Variants in CDS2 observed in about 807,000 individuals in gnomAD.
CDS2 encodes the protein phosphatidate cytidylyltransferase 2.
In CDS2, 47 loss-of-function variants were observed where a neutral mutation model predicts 59.0. That is an observed-to-expected ratio of 0.80 (90% CI 0.63 to 1.02). CDS2 has a LOEUF of 1.02. Among genes scored for constraint, CDS2 ranks in the 50% least tolerant of loss-of-function variants. The pLI is 0.00. For synonymous variants in CDS2, 207 were observed against 206.4 expected, an observed-to-expected ratio of 1.00 and a Z score of -0.02; for missense variants, 356 against 558.9, an observed-to-expected ratio of 0.64 and a Z score of 3.66.
intron 1 of CDS2, 37 bp downstream of exon 1, chr20:5,127,186 C>T: frequency 1.4e-6 from 2 of 1,459,474 alleles, no homozygotes; most frequent in Admixed American, 2.5e-5. Flanking sequence ...GCCGGGACAG[C>T]GGCGCATCCG....
chr20:5,173,892 G>A lies in CDS2; in HGVS notation c.194+233G>A, dbSNP rs4815769. ...AGGCTGGAAGGATCTGGCCCCGGAA[G>A]GGTGCTTCAGACTGGACTAGGAAGT... On this transcript the variant is annotated intron_variant, in intron 2 of 12. Coordinates refer to ENST00000460006, the MANE Select transcript of CDS2 (RefSeq NM_003818.4). 0.027 allele frequency among the ~76,000 whole-genome samples: 4,139 copies of A among 152,314 alleles called. 76 individuals are homozygous for A. The highest frequency in any genetic ancestry group is 0.039 in the Non-Finnish European group (2,669 of 68,020).
At chr20:5,180,785 CT>C (rs2091028308) in intron 5 of CDS2, among the ~76,000 whole-genome samples, 1 of 152,090 alleles carries the variant, frequency 6.6e-6, no homozygotes, top group Admixed American at 6.6e-5. Flanking sequence ...TCCCCCATCA[CT>C]TTTATAAGAG....
chr20:5,134,180 G>A (rs2090630128), intron 1 of CDS2, among the ~76,000 whole-genome samples: 2 of 152,186 alleles, frequency 1.3e-5, no homozygotes, highest in African/African-American at 4.8e-5. Context: ...CACTCCCGGC[G>A]CAGTGCTTGA....
chr20:5,127,172 C>T (rs1271232445), intron 1 of CDS2, 23 bp downstream of exon 1: 1 of 1,479,562 alleles, frequency 6.8e-7, no homozygotes, highest in Admixed American at 2.4e-5. Context: ...TCGGGGTGGG[C>T]GCGGCCGGGA....
rs117040381 is a variant in CDS2 at position 5,192,991 on chromosome 20, T to C, written c.*2757T>C. The C allele has an allele frequency of 0.01, 1,573 of 152,358 alleles. 14 individuals are homozygous for C. Among genetic ancestry groups the C allele is most frequent in the Non-Finnish European group, 0.014 (961 of 68,066 alleles). 9.4% of individuals were successfully genotyped at this position (152,358 alleles called of 1,614,324 possible). On this transcript the variant is annotated 3_prime_UTR_variant, in exon 13 of 13. Coordinates refer to ENST00000460006, the MANE Select transcript of CDS2 (RefSeq NM_003818.4). ...GTGAGTACACCGAGGTGTTGCAGCT[T>C]TCCTTCCCTCTAGCTCAGGAGGCCT...
chr20:5,136,367 G>A (rs573560868), intron 1 of CDS2, among the ~76,000 whole-genome samples: 19 of 152,158 alleles, frequency 1.2e-4, no homozygotes, highest in South Asian at 4.1e-4. Flanking sequence ...CTTTGTTCCC[G>A]TGCCCAGGGC....
rs137924546 is a variant in CDS2, at chr20:5,190,146, G to A, written c.1250G>A (p.Arg417Gln). ...SKLIQQFLTLRPDQQLHIFNT... is the reference protein window; with the variant it reads ...SKLIQQFLTLQPDQQLHIFNT... ...CTGATTCAGCAGTTCCTGACTTTAC[G>A]GCCAGATCAGCAGCTCCACATCTTC... Residue 417 changes from arginine (R) to glutamine (Q), a missense_variant, in exon 13 of 13, where the codon CGG becomes CAG. Coordinates refer to ENST00000460006, the MANE Select transcript of CDS2 (RefSeq NM_003818.4). 43 of 1,613,794 alleles carry A rather than the reference G, an allele frequency of 2.7e-5. No homozygotes were observed. Among genetic ancestry groups the A allele is most frequent in the Middle Eastern group, 1.6e-4 (1 of 6,080 alleles).
intron 1 of CDS2, among the ~76,000 whole-genome samples, chr20:5,150,028 T>C (rs1314260143): frequency 6.6e-6 from 1 of 152,204 alleles, no homozygotes; most frequent in Non-Finnish European, 1.5e-5. Context: ...CTAGTATTTT[T>C]ATAGTTTGCT....
chr20:5,190,187 C>T lies in CDS2; in HGVS notation c.1291C>T (p.His431Tyr). The T allele has an allele frequency of 6.2e-7, 1 of 1,614,084 alleles. No individual in the cohort carries two copies. Among genetic ancestry groups the T allele is most frequent in the South Asian group, 1.1e-5 (1 of 91,080 alleles). The change falls in exon 13 of 13, where the codon CAT becomes TAT. Residue 431 changes from histidine (H) to tyrosine (Y), a missense_variant. This residue lies in a region of CDS2 where 33 missense variants were observed against 27.9 expected (regional missense o/e 1.18). Transcript: ENST00000460006. ...CCACATCTTCAACACGCTGCGGTCT[C>T]ATCTGATCGACAAAGGGATGCTGAC... ...QLHIFNTLRS[H>Y]LIDKGMLTST...
At chr20:5,129,047 T>G (rs932178241) in intron 1 of CDS2, among the ~76,000 whole-genome samples, 1 of 152,172 alleles carries the variant, frequency 6.6e-6, no homozygotes, top group African/African-American at 2.4e-5. Flanking sequence ...TCCTGTACTT[T>G]AGACTGGGAG....
rs142549092 is a variant in CDS2 at position 5,168,484 on chromosome 20, G to A, written c.58-5039G>A. 230 of 392,374 alleles carry A rather than the reference G, an allele frequency of 5.9e-4. 1 individual carries two copies. Among genetic ancestry groups the A allele is most frequent in the African/African-American group, 4.0e-3 (193 of 47,846 alleles). 24.3% of individuals were successfully genotyped at this position (392,374 alleles called of 1,614,324 possible). On this transcript the variant is annotated intron_variant, in intron 1 of 12. Transcript: ENST00000460006. ...GGTATAGGGTAGGATAGGTTCCACC[G>A]GTGTGGAGCCTGACACAGTGCCCAA...
At chr20:5,141,348 T>C (rs983451141) in intron 1 of CDS2, among the ~76,000 whole-genome samples, 1 of 152,236 alleles carries the variant, frequency 6.6e-6, no homozygotes, top group African/African-American at 2.4e-5. Flanking sequence ...CCATGCAATG[T>C]GTGCATCTAA....
rs999499067 is a variant in CDS2 at position 5,195,733 on chromosome 20, G to C, written c.*5499G>C. On this transcript the variant is annotated 3_prime_UTR_variant, in exon 13 of 13. Coordinates refer to ENST00000460006, the MANE Select transcript of CDS2 (RefSeq NM_003818.4). ...TGTAGACTAAAAGCCTAGAAGTTCT[G>C]CCCACATCCTTATGACGCAGCCAAT... 1 of 152,196 alleles carries C rather than the reference G, an allele frequency of 6.6e-6. No individual in the cohort carries two copies. Among genetic ancestry groups the C allele is most frequent in the African/African-American group, 2.4e-5 (1 of 41,436 alleles). The allele number at this position is 152,196 out of a possible 1,614,324, so 9.4% of individuals were successfully genotyped here. A position where few individuals can be genotyped will look rare whatever the true frequency, so the allele number is the denominator to read the frequency against.
chr20:5,135,750 A>G (rs2090645126), intron 1 of CDS2, among the ~76,000 whole-genome samples: 1 of 152,190 alleles, frequency 6.6e-6, no homozygotes, highest in South Asian at 2.1e-4. Context: ...GACCTTTTGA[A>G]GAAAGTTAAA....
chr20:5,174,173 G>A (rs1288747498), intron 2 of CDS2, among the ~76,000 whole-genome samples: 1 of 152,150 alleles, frequency 6.6e-6, no homozygotes, highest in East Asian at 1.9e-4. Flanking sequence ...TGAGAACCTG[G>A]TTCTTTTAAC....
At chr20:5,185,727 C>G in intron 8 of CDS2, 31 bp from the exon 9 acceptor site, 1 of 1,598,904 alleles carries the variant, frequency 6.3e-7, no homozygotes, top group Non-Finnish European at 8.6e-7. Flanking sequence ...ATCAAAACAC[C>G]CTTTGCTGAG....
intron 1 of CDS2, 37 bp downstream of exon 1, chr20:5,127,186 C>A: frequency 6.9e-7 from 1 of 1,459,468 alleles, no homozygotes; most frequent in Non-Finnish European, 9.1e-7. Context: ...GCCGGGACAG[C>A]GGCGCATCCG....
chr20:5,130,874 G>A (rs935331081), intron 1 of CDS2, among the ~76,000 whole-genome samples: 3 of 151,636 alleles, frequency 2.0e-5, no homozygotes, highest in African/African-American at 4.9e-5. Context: ...GGTGGATCAC[G>A]AGGTTAGGAG....
At chr20:5,165,225 G>T (rs1172723399) in intron 1 of CDS2, among the ~76,000 whole-genome samples, 58 of 152,170 alleles carry the variant, frequency 3.8e-4, no homozygotes, top group Admixed American at 3.8e-3. Context: ...CCCCCGTATT[G>T]CTTAGGATAC....
Sources: gnomAD v4.1 joint callset for allele counts (sites outside exome capture counted in the v4.1 genomes callset) on GRCh38, gnomAD v4.1.1 for gene constraint, gnomAD v4.1.1 regional missense constraint, MANE v1.5 for transcripts, NCBI Gene and HGNC (gene_info 2026-07-23, HGNC 2026-07-21) for gene names.